The following SDK1 variants were observed in gnomAD, a reference collection of about 807,000 sequenced individuals.
The protein encoded by SDK1 is protein sidekick-1.
A neutral mutation model predicts 245.5 loss-of-function variants in SDK1; 157 were observed. That is an observed-to-expected ratio of 0.64 (90% CI 0.56 to 0.73). SDK1 has a LOEUF of 0.73. Ranked by LOEUF, SDK1 falls within the 30% of genes least tolerant of loss-of-function variation. The pLI, the probability that SDK1 is intolerant of heterozygous loss-of-function variation, is 0.00. For synonymous variants in SDK1, 1,647 were observed against 1,278.5 expected (o/e 1.29, Z -6.15); for missense variants, 3,583 against 3,002.3 (o/e 1.19, Z -4.52).
intron 4 of SDK1, among the ~76,000 whole-genome samples, chr7:3,648,008 G>C (rs1185461446): frequency 6.6e-6 from 1 of 152,118 alleles, no homozygotes; most frequent in African/African-American, 2.4e-5. Flanking sequence ...GTAATTACAG[G>C]TTTTATCTGA....
intron 5 of SDK1, among the ~76,000 whole-genome samples, chr7:3,899,411 A>G (rs1191988657): frequency 2.6e-5 from 4 of 152,226 alleles, no homozygotes; most frequent in African/African-American, 9.6e-5. Context: ...TATGTCTACC[A>G]CGTGAGATGC....
intron 13 of SDK1, among the ~76,000 whole-genome samples, chr7:3,975,906 G>A (rs544962486): frequency 4.6e-4 from 68 of 148,726 alleles, no homozygotes; most frequent in African/African-American, 1.1e-3. Context: ...AAGCTGCCAC[G>A]TAGAGGGTCC....
chr7:4,211,564 C>T (rs781158355), intron 38 of SDK1, among the ~76,000 whole-genome samples: 32 of 152,150 alleles, frequency 2.1e-4, no homozygotes, highest in Non-Finnish European at 3.7e-4. Context: ...TGCTGCTCTG[C>T]ACCTGCTGGG....
chr7:4,181,667 C>T (rs1486469689), intron 35 of SDK1, among the ~76,000 whole-genome samples: 3 of 152,212 alleles, frequency 2.0e-5, no homozygotes, highest in Non-Finnish European at 2.9e-5. Flanking sequence ...TGCCCAGAGG[C>T]CTGGGCTCTG....
At chr7:3,707,653 G>A (rs965139309) in intron 4 of SDK1, among the ~76,000 whole-genome samples, 5 of 152,152 alleles carry the variant, frequency 3.3e-5, no homozygotes, top group African/African-American at 1.2e-4. Context: ...GGGAGCTGAA[G>A]GCCCCCCCTA....
At chr7:3,873,329 G>T (rs1781002561) in intron 5 of SDK1, among the ~76,000 whole-genome samples, 1 of 152,018 alleles carries the variant, frequency 6.6e-6, no homozygotes, top group African/African-American at 2.4e-5. Context: ...CTCCTCTGTA[G>T]GCAATATGTC....
At chr7:4,220,548 A>G (rs1309269037) in intron 39 of SDK1, among the ~76,000 whole-genome samples, 1 of 149,806 alleles carries the variant, frequency 6.7e-6, no homozygotes, top group Non-Finnish European at 1.5e-5. Flanking sequence ...CTTAAGAGGA[A>G]AATAACTGAA....
rs781508905 is a variant in SDK1, at chr7:4,221,372, G to A, written c.5827+8G>A. ...TCGAGGCCCGGCCCTCAGGTAGGGT[G>A]GCAGGCCCCACAAACGGGGTCTCAG... On this transcript the variant is annotated splice_region_variant and intron_variant, in intron 40 of 44. Coordinates refer to ENST00000404826, the MANE Select transcript of SDK1 (RefSeq NM_152744.4). The A allele has an allele frequency of 3.1e-6, 5 of 1,600,818 alleles. No homozygotes were observed. The highest frequency in any genetic ancestry group is 4.3e-6 in the Non-Finnish European group (5 of 1,174,334).
intron 4 of SDK1, among the ~76,000 whole-genome samples, chr7:3,733,385 A>G (rs1369972434): frequency 2.0e-5 from 3 of 152,188 alleles, no homozygotes; most frequent in African/African-American, 7.2e-5. Context: ...AGACTATCTT[A>G]TGAGTTAGTG....
rs184860830 is a variant in SDK1 at position 4,013,507 on chromosome 7, A to G, written c.2420+1272A>G. ...GCTAACAAAGGTCTTCAGCAGACAG[A>G]TGTAATTTCTTAGATAAATGTGAGA... On this transcript the variant is annotated intron_variant, in intron 16 of 44. Transcript: ENST00000404826. 5.9e-5 allele frequency among the ~76,000 whole-genome samples: 9 copies of G among 152,346 alleles called. No homozygotes were observed. The East Asian group carries it at 1.7e-3, about 29-fold the overall frequency.
At chr7:3,526,606 C>T (rs994495816) in intron 1 of SDK1, among the ~76,000 whole-genome samples, 4 of 152,156 alleles carry the variant, frequency 2.6e-5, no homozygotes, top group Non-Finnish European at 4.4e-5. Flanking sequence ...TGCTTGGGAA[C>T]GCTGGATGAA....
rs754378365 is a variant in SDK1 at position 4,052,960 on chromosome 7, G to A, written c.2911+1130G>A. Among the ~76,000 whole-genome samples the A allele has an allele frequency of 4.6e-5, 7 of 151,760 alleles. No homozygotes were observed. In the South Asian group the frequency reaches 8.4e-4, roughly 18 times the overall value. On this transcript the variant is annotated intron_variant, in intron 19 of 44. Transcript: ENST00000404826. ...AAATTAGCTGGGTGTGGTGGCAGGC[G>A]CCTGTAATCCCAGCTACTCGGGAGG... is the stretch of plus-strand genomic sequence containing the variant.
At chr7:3,655,421 G>A (rs569281683) in intron 4 of SDK1, among the ~76,000 whole-genome samples, 10 of 132,060 alleles carry the variant, frequency 7.6e-5, no homozygotes, top group East Asian at 2.3e-4. Flanking sequence ...CAACAAGAGC[G>A]CAACTGTCTA....
At chr7:3,656,382 C>G (rs1783185127) in intron 4 of SDK1, among the ~76,000 whole-genome samples, 1 of 152,164 alleles carries the variant, frequency 6.6e-6, no homozygotes, top group Non-Finnish European at 1.5e-5. Context: ...CAGTGCTACT[C>G]TCCCCAAACA....
At chr7:3,724,892 C>A (rs1393030719) in intron 4 of SDK1, among the ~76,000 whole-genome samples, 1 of 152,200 alleles carries the variant, frequency 6.6e-6, no homozygotes, top group Non-Finnish European at 1.5e-5. Context: ...TGTGGCCATG[C>A]CTACCTGGAA....
chr7:3,800,616 C>T lies in SDK1; in HGVS notation c.714-20834C>T, dbSNP rs562720107. Among the ~76,000 whole-genome samples, 20 of 152,216 alleles carry T rather than the reference C, an allele frequency of 1.3e-4. 1 individual carries two copies. Among genetic ancestry groups the T allele is most frequent in the African/African-American group, 4.1e-4 (17 of 41,522 alleles). ...TGATCTCCTGACCTCATGATCCGCCCGCCTCAGCTTCCCAAAGTGCTGGGA... is the reference window on the plus strand; with the variant it reads ...TGATCTCCTGACCTCATGATCCGCCTGCCTCAGCTTCCCAAAGTGCTGGGA... On this transcript the variant is annotated intron_variant, in intron 4 of 44. Coordinates refer to ENST00000404826, the MANE Select transcript of SDK1 (RefSeq NM_152744.4).
In SDK1 at chr7:3,771,071, A is replaced by AT. The variant is rs1415199686; in HGVS notation, c.714-50378dup. Among the ~76,000 whole-genome samples, 26 of 152,106 alleles carry AT rather than the reference A, an allele frequency of 1.7e-4. 1 individual carries two copies. The highest frequency in any genetic ancestry group is 1.6e-3 in the Admixed American group (25 of 15,274). On this transcript the variant is annotated intron_variant, in intron 4 of 44. Coordinates refer to ENST00000404826, the MANE Select transcript of SDK1 (RefSeq NM_152744.4). ...TAATTGATGCTCAGCTGAAAGTCAA[A>AT]TAGGTGGCTCTGCTGATCTGGACTG...
intron 5 of SDK1, among the ~76,000 whole-genome samples, chr7:3,864,373 G>A (rs190456302): frequency 2.2e-4 from 33 of 152,264 alleles, no homozygotes; most frequent in Non-Finnish European, 3.7e-4. Context: ...AAAGAAGGTC[G>A]ATATATGTTG....
chr7:3,896,366 T>C (rs1437752911), intron 5 of SDK1, among the ~76,000 whole-genome samples: 2 of 152,200 alleles, frequency 1.3e-5, no homozygotes, highest in South Asian at 2.1e-4. Context: ...TTCCTGGCCT[T>C]GTGTGGGCTG....
Sources: gnomAD v4.1 joint callset for allele counts (sites outside exome capture counted in the v4.1 genomes callset) on GRCh38, gnomAD v4.1.1 for gene constraint, MANE v1.5 for transcripts, NCBI Gene and HGNC (gene_info 2026-07-23, HGNC 2026-07-21) for gene names.